The following VPS37C variants were observed in gnomAD, a reference collection of about 807,000 sequenced individuals.
VPS37C encodes the protein vacuolar protein sorting-associated protein 37C.
Under a neutral mutation model 16.1 loss-of-function variants are expected in VPS37C, and 9 were observed. The ratio of observed to expected loss-of-function variants is 0.56; its 90% confidence interval spans 0.34 to 0.97. The LOEUF (loss-of-function observed/expected upper bound fraction) is 0.97, where lower values mean the gene tolerates loss of function less well. Among genes scored for constraint, VPS37C ranks in the 50% least tolerant of loss-of-function variants. The pLI is 0.02. For missense variants in VPS37C, 479 were observed against 472.7 expected (o/e 1.01, Z -0.12); for synonymous variants, 207 against 206.4 (o/e 1.00, Z -0.02).
In VPS37C at chr11:61,132,214, G is replaced by T. The variant is rs200927756; in HGVS notation, c.674C>A (p.Pro225Gln). 5.3e-6 allele frequency: 8 copies of T among 1,505,482 alleles called. No individual in the cohort carries two copies. The highest frequency in any genetic ancestry group is 7.1e-6 in the Non-Finnish European group (8 of 1,127,322). 93.3% of individuals were successfully genotyped at this position (1,505,482 alleles called of 1,614,324 possible). ...CTGGGACACTACTGGGAAAGGGGCCGGTGGCAGGGCTCCATGGGCAGTGGG... is the reference window on the plus strand; with the variant it reads ...CTGGGACACTACTGGGAAAGGGGCCTGTGGCAGGGCTCCATGGGCAGTGGG... The part of the protein sequence containing the change: ...VGPTAHGALP[P>Q]APFPVVSQPS... Residue 225 changes from proline (P) to glutamine (Q), a missense_variant, in exon 5 of 5, where the codon CCG becomes CAG. Transcript: ENST00000301765.
At chr11:61,158,136 C>T (rs1256455337) in intron 1 of VPS37C, among the ~76,000 whole-genome samples, 1 of 152,146 alleles carries the variant, frequency 6.6e-6, no homozygotes, top group African/African-American at 2.4e-5. Context: ...GCAAAACAGA[C>T]TAATGCAATA....
chr11:61,147,068 G>A (rs1853218308), intron 1 of VPS37C, among the ~76,000 whole-genome samples: 1 of 152,148 alleles, frequency 6.6e-6, no homozygotes, highest in African/African-American at 2.4e-5. Flanking sequence ...TCAAAGTTGT[G>A]AGAAACTGGG....
chr11:61,130,450 G>T lies in VPS37C; in HGVS notation c.*1370C>A. The T allele has an allele frequency of 5.5e-6, 1 of 182,678 alleles. No homozygotes were observed. Among genetic ancestry groups the T allele is most frequent in the Non-Finnish European group, 1.1e-5 (1 of 87,932 alleles). The allele number at this position is 182,678 out of a possible 1,614,324, so 11.3% of individuals were successfully genotyped here. On this transcript the variant is annotated 3_prime_UTR_variant, in exon 5 of 5. Transcript: ENST00000301765. ...TCACGCGGATGGCACATAGGCCGGGGAGGGGCAGGCACCAGAAGGTCAAGG... is the reference window on the plus strand; with the variant it reads ...TCACGCGGATGGCACATAGGCCGGGTAGGGGCAGGCACCAGAAGGTCAAGG...
At chr11:61,156,927 C>A (rs911751328) in intron 1 of VPS37C, among the ~76,000 whole-genome samples, 1 of 152,204 alleles carries the variant, frequency 6.6e-6, no homozygotes, top group African/African-American at 2.4e-5. Flanking sequence ...AACCACCATT[C>A]CACTTTCTGT....
intron 1 of VPS37C, chr11:61,144,164 T>C (rs1218401844): frequency 6.6e-6 from 1 of 150,970 alleles, no homozygotes; most frequent in African/African-American, 2.4e-5. Context: ...AGACACGGGG[T>C]TTCACCGTGC....
intron 1 of VPS37C, among the ~76,000 whole-genome samples, chr11:61,147,612 CA>C (rs1347731041): frequency 6.6e-6 from 1 of 151,756 alleles, no homozygotes; most frequent in East Asian, 1.9e-4. Context: ...AAAAGTCATG[CA>C]ATGATGGTTT....
intron 2 of VPS37C, among the ~76,000 whole-genome samples, chr11:61,135,282 C>A (rs1320236318): frequency 6.6e-6 from 1 of 152,220 alleles, no homozygotes; most frequent in African/African-American, 2.4e-5. Context: ...GCTACAGGGG[C>A]CGAGGTCCTG....
At chr11:61,141,784 C>G (rs763678737) in intron 1 of VPS37C, among the ~76,000 whole-genome samples, 2 of 152,256 alleles carry the variant, frequency 1.3e-5, no homozygotes, top group African/African-American at 2.4e-5. Context: ...ATCGGCTCCA[C>G]CCAAGGGGAG....
chr11:61,156,327 C>G (rs1358284818), intron 1 of VPS37C, among the ~76,000 whole-genome samples: 1 of 152,174 alleles, frequency 6.6e-6, no homozygotes, highest in Non-Finnish European at 1.5e-5. Flanking sequence ...TTGTTCACGC[C>G]TGTAAACCCA....
intron 3 of VPS37C, 145 bp from the exon 4 acceptor site, chr11:61,133,482 C>A: frequency 1.3e-6 from 1 of 765,884 alleles, no homozygotes; most frequent in Admixed American, 2.4e-5. Flanking sequence ...GCTTGATGAG[C>A]ACTTTTGGTC....
chr11:61,134,127 A>T lies in VPS37C; in HGVS notation c.174T>A (p.Gly58=). The T allele has an allele frequency of 6.2e-7, 1 of 1,613,834 alleles. No individual in the cohort carries two copies. The highest frequency in any genetic ancestry group is 8.5e-7 in the Non-Finnish European group (1 of 1,179,930). The stretch of plus-strand genomic sequence containing the variant: ...GGTTTGAGCGGCTGATCTCCAGGGG[A>T]CCCTGGAACTCCAAGTTCCGCTCTG... ...SLAERNLEFQ[G]PLEISRSNLS... is the part of the protein sequence containing the mutation. Residue 58 remains glycine (G), a synonymous_variant, in exon 3 of 5, where the codon GGT becomes GGA. Transcript: ENST00000301765.
intron 3 of VPS37C, 37 bp from the exon 4 acceptor site, chr11:61,133,374 T>C (rs372262835): frequency 2.9e-5 from 47 of 1,605,064 alleles, no homozygotes; most frequent in Non-Finnish European, 3.9e-5. Context: ...ATTTGAAAAG[T>C]GCTTCCTGAT....
At chr11:61,138,880 C>T (rs369743819) in intron 1 of VPS37C, 45 bp from the exon 2 acceptor site, 85 of 1,570,850 alleles carry the variant, frequency 5.4e-5, no homozygotes, top group African/African-American at 1.2e-4. Context: ...CAGCCCAAGA[C>T]GAAGGGACCC....
At position 61,132,104 on chromosome 11, in the gene VPS37C, G is replaced by T; in HGVS notation, c.784C>A (p.Pro262Thr). The change falls in exon 5 of 5, where the codon CCA becomes ACA. Residue 262 changes from proline to threonine, a missense_variant. Coordinates refer to ENST00000301765, the MANE Select transcript of VPS37C (RefSeq NM_017966.5). ...GGCCGGGGTGGCATGCTCCTCTGTGGGGACCAGGAGTAACCCGCAGCACCC... is the reference window on the plus strand; with the variant it reads ...GGCCGGGGTGGCATGCTCCTCTGTGTGGACCAGGAGTAACCCGCAGCACCC... ...PRGAAGYSWS[P>T]QRSMPPRPGY... 1 of 1,421,092 alleles carries T rather than the reference G, an allele frequency of 7.0e-7. No individual in the cohort carries two copies. The highest frequency in any genetic ancestry group is 9.2e-7 in the Non-Finnish European group (1 of 1,083,178). The allele number at this position is 1,421,092 out of a possible 1,614,324, so 88.0% of individuals were successfully genotyped here.
chr11:61,155,538 C>T (rs1382178128), intron 1 of VPS37C, among the ~76,000 whole-genome samples: 1 of 151,792 alleles, frequency 6.6e-6, no homozygotes, highest in Non-Finnish European at 1.5e-5. Context: ...AAATAGCAGA[C>T]TACTGATATG....
At chr11:61,160,521 T>G (rs563213781) in intron 1 of VPS37C, among the ~76,000 whole-genome samples, 1 of 152,136 alleles carries the variant, frequency 6.6e-6, no homozygotes, top group African/African-American at 2.4e-5. Flanking sequence ...GCAAGAGAAC[T>G]GAGGTACCGC....
chr11:61,160,732 C>A (rs1853460674), intron 1 of VPS37C, among the ~76,000 whole-genome samples: 1 of 152,212 alleles, frequency 6.6e-6, no homozygotes, highest in Non-Finnish European at 1.5e-5. Flanking sequence ...GGGAAATCGC[C>A]TCATCGGCTG....
chr11:61,150,802 G>A (rs1002575341), intron 1 of VPS37C, among the ~76,000 whole-genome samples: 9 of 152,068 alleles, frequency 5.9e-5, no homozygotes, highest in African/African-American at 1.9e-4. Context: ...TGCCAGCAGC[G>A]TAGAGTGTGG....
chr11:61,159,901 C>CA (rs35953020), intron 1 of VPS37C, among the ~76,000 whole-genome samples: 21,630 of 49,392 alleles, frequency 0.44, 6,323 homozygotes, highest in East Asian at 0.92. Flanking sequence ...GACTCCGTCT[C>CA]AAAAAAAAAA....
Sources: allele counts gnomAD v4.1 joint callset (sites outside exome capture counted in the v4.1 genomes callset), GRCh38; gene constraint gnomAD v4.1.1; transcripts MANE v1.5; gene names NCBI Gene and HGNC (gene_info 2026-07-23, HGNC 2026-07-21).